Variants in FGF13 observed in about 807,000 individuals in gnomAD.
FGF13 encodes fibroblast growth factor 13, also known as fibroblast growth factor homologous factor 2.
In FGF13, 2 loss-of-function variants were observed where a neutral mutation model predicts 19.5. The ratio of observed to expected loss-of-function variants is 0.10; its 90% CI spans 0.04 to 0.32. The LOEUF is 0.32. Ranked by LOEUF, FGF13 falls within the 10% of genes least tolerant of loss-of-function variation. FGF13 has a pLI of 1.00. For missense variants in FGF13, 113 were observed against 192.7 expected (o/e 0.59, Z 2.45); for synonymous variants, 72 against 76.9 (o/e 0.94, Z 0.33).
chrX:138,824,638 A>G (rs1305407289), intron 3 of FGF13, among the ~76,000 whole-genome samples: 1 of 111,625 alleles, frequency 9.0e-6, no homozygotes, highest in East Asian at 2.8e-4. Context: ...TTTTAAGTGG[A>G]GCTATATATG....
intron 1 of FGF13, among the ~76,000 whole-genome samples, chrX:139,151,343 G>A (rs907152254): frequency 1.8e-5 from 2 of 111,737 alleles, no homozygotes; most frequent in African/African-American, 6.5e-5. Context: ...CATTCTAAAA[G>A]TTAAATGGCA....
chrX:138,862,793 T>C (rs17001802), intron 2 of FGF13, among the ~76,000 whole-genome samples: 11,961 of 111,958 alleles, frequency 0.11, 1,545 homozygotes, highest in African/African-American at 0.37. Context: ...TTCAATTTGT[T>C]CAAGGTAGAA....
intron 2 of FGF13, among the ~76,000 whole-genome samples, chrX:138,864,091 T>TC (rs945831806): frequency 3.6e-5 from 4 of 111,334 alleles, no homozygotes; most frequent in Admixed American, 9.6e-5. Context: ...CATTGTCAAA[T>TC]CCCCCCAATC....
At chrX:138,808,014 C>A (rs1414093330) in intron 3 of FGF13, among the ~76,000 whole-genome samples, 2 of 111,467 alleles carry the variant, frequency 1.8e-5, no homozygotes, top group African/African-American at 3.3e-5. Flanking sequence ...ACCCCACTGT[C>A]AACATTAGAC....
chrX:138,772,999 T>A (rs754673367), intron 3 of FGF13, among the ~76,000 whole-genome samples: 33 of 108,952 alleles, frequency 3.0e-4, no homozygotes. Flanking sequence ...GGTGTGTCAG[T>A]TTTTAAGTTC....
At chrX:138,822,469 A>C (rs1392764353) in intron 3 of FGF13, among the ~76,000 whole-genome samples, 1 of 111,790 alleles carries the variant, frequency 8.9e-6, no homozygotes, top group African/African-American at 3.3e-5. Context: ...AAGAGTGTTT[A>C]ATAAAGGGAC....
chrX:139,037,441 C>T (rs963196039), intron 1 of FGF13, among the ~76,000 whole-genome samples: 13 of 110,907 alleles, frequency 1.2e-4, no homozygotes, highest in African/African-American at 4.3e-4. Flanking sequence ...AAAAGATTAC[C>T]ATAAATTTAG....
At chrX:139,133,606 C>CCAGGAAGA (rs2083778050) in intron 1 of FGF13, among the ~76,000 whole-genome samples, 1 of 111,180 alleles carries the variant, frequency 9.0e-6, no homozygotes, top group Non-Finnish European at 1.9e-5. Context: ...CTCTCCTCAT[C>CCAGGAAGA]ACTGTCACCT....
intron 3 of FGF13, among the ~76,000 whole-genome samples, chrX:138,693,912 T>G (rs1280454991): frequency 8.9e-6 from 1 of 111,977 alleles, no homozygotes; most frequent in Non-Finnish European, 1.9e-5. Context: ...GCTCTCCATT[T>G]AATTCTATTA....
intron 1 of FGF13, among the ~76,000 whole-genome samples, chrX:139,189,712 G>C (rs1405811262): frequency 9.0e-6 from 1 of 111,644 alleles, no homozygotes. Context: ...ATGTGTACAC[G>C]GTTTCACTTT....
chrX:138,732,802 G>A (rs2090242635), intron 1 of FGF13, among the ~76,000 whole-genome samples: 1 of 111,051 alleles, frequency 9.0e-6, no homozygotes, highest in African/African-American at 3.3e-5. Flanking sequence ...GGATGGGCGA[G>A]GGGACGACAA....
chrX:138,888,704 A>C (rs1409557283), intron 1 of FGF13, among the ~76,000 whole-genome samples: 1 of 110,754 alleles, frequency 9.0e-6, no homozygotes, highest in South Asian at 3.9e-4. Flanking sequence ...AAAAAGAAAA[A>C]AAAAAAAATT....
At chrX:138,966,189 G>A (rs1603079004) in intron 1 of FGF13, among the ~76,000 whole-genome samples, 1 of 111,887 alleles carries the variant, frequency 8.9e-6, no homozygotes, top group Middle Eastern at 4.6e-3. Context: ...CCCCCACAGA[G>A]TTCCCACTGG....
At chrX:139,143,795 T>C (rs1386806479) in intron 1 of FGF13, among the ~76,000 whole-genome samples, 1 of 111,702 alleles carries the variant, frequency 9.0e-6, no homozygotes. Context: ...TGAGCACAGA[T>C]TGGGGATGCA....
chrX:138,813,567 G>A lies in FGF13; in HGVS notation c.217+43945C>T, dbSNP rs2090941641. Among the ~76,000 whole-genome samples, 4 of 111,945 alleles carry A rather than the reference G, an allele frequency of 3.6e-5. No homozygotes were observed. In the Admixed American group the frequency reaches 3.8e-4, roughly 11 times the overall value. On this transcript the variant is annotated intron_variant, in intron 3 of 6. Coordinates refer to the FGF13 transcript ENST00000436198. Reference sequence around the variant, plus strand: ...TACTGATACCCATTTAATGAAGCTTGGATAAACATACCATTTTAACAGTTG... The same window carrying A: ...TACTGATACCCATTTAATGAAGCTTAGATAAACATACCATTTTAACAGTTG...
At chrX:138,670,685 T>A (rs148450346) in intron 3 of FGF13, among the ~76,000 whole-genome samples, 1,306 of 111,477 alleles carry the variant, frequency 0.012, 21 homozygotes, top group South Asian at 0.053. Flanking sequence ...GTAGTGAGTT[T>A]GGGGTGATGT....
chrX:139,190,612 C>G (rs1411995266), intron 1 of FGF13, among the ~76,000 whole-genome samples: 2 of 111,137 alleles, frequency 1.8e-5, no homozygotes, highest in Non-Finnish European at 3.8e-5. Flanking sequence ...GATGAAGGTC[C>G]CTTCCAGCCA....
chrX:138,857,668 C>T (rs760111300), exon 3 of FGF13: 4 of 1,193,364 alleles, frequency 3.4e-6, no homozygotes, highest in Non-Finnish European at 4.5e-6. Flanking sequence ...CCAGGGGGGG[C>T]GTCATCCAGA....
chrX:138,918,858 T>C (rs1450199513), intron 1 of FGF13, among the ~76,000 whole-genome samples: 4 of 111,776 alleles, frequency 3.6e-5, no homozygotes, highest in Non-Finnish European at 7.5e-5. Flanking sequence ...TGGAAGAAAG[T>C]AGAATTAATT....
Sources: gnomAD v4.1 joint callset for allele counts (sites outside exome capture counted in the v4.1 genomes callset) on GRCh38, gnomAD v4.1.1 for gene constraint, MANE v1.5 for transcripts, NCBI Gene and HGNC (gene_info 2026-07-23, HGNC 2026-07-21) for gene names.